MAPKAP1: variants seen among roughly 807,000 people sequenced by gnomAD.
The protein encoded by MAPKAP1 is MAPK associated protein 1, also known as target of rapamycin complex 2 subunit MAPKAP1.
A neutral mutation model predicts 65.7 loss-of-function variants in MAPKAP1; 20 were observed. The ratio of observed to expected loss-of-function variants is 0.30; its 90% CI spans 0.21 to 0.44. MAPKAP1 has a LOEUF of 0.44. MAPKAP1 is among the 20% of genes least tolerant of loss of function. The pLI, the probability that MAPKAP1 is intolerant of heterozygous loss-of-function variation, is 1.00. For synonymous variants in MAPKAP1, 222 were observed against 244.3 expected, an observed-to-expected ratio of 0.91 and a Z score of 0.85; for missense variants, 423 against 648.0, an observed-to-expected ratio of 0.65 and a Z score of 3.77.
At chr9:125,643,526 C>T (rs1487336898) in intron 4 of MAPKAP1, among the ~76,000 whole-genome samples, 1 of 152,024 alleles carries the variant, frequency 6.6e-6, no homozygotes, top group African/African-American at 2.4e-5. Flanking sequence ...TTTTTATTCA[C>T]CATATTATAC....
At chr9:125,688,327 C>A (rs991996141) in intron 1 of MAPKAP1, among the ~76,000 whole-genome samples, 2 of 151,912 alleles carry the variant, frequency 1.3e-5, no homozygotes, top group African/African-American at 4.8e-5. Flanking sequence ...TAGTAGAGAC[C>A]GGGTTTCACC....
At chr9:125,684,144 G>T (rs990268727) in intron 1 of MAPKAP1, among the ~76,000 whole-genome samples, 2 of 152,114 alleles carry the variant, frequency 1.3e-5, no homozygotes, top group African/African-American at 4.8e-5. Flanking sequence ...CCCAATTCTA[G>T]ATTCATAAAT....
intron 6 of MAPKAP1, among the ~76,000 whole-genome samples, chr9:125,551,511 C>T (rs894077042): frequency 6.6e-6 from 1 of 152,178 alleles, no homozygotes; most frequent in Non-Finnish European, 1.5e-5. Flanking sequence ...ACCCAAAGAG[C>T]TCTTGGTTAG....
At chr9:125,555,926 A>G (rs1424541820) in intron 6 of MAPKAP1, among the ~76,000 whole-genome samples, 1 of 150,968 alleles carries the variant, frequency 6.6e-6, no homozygotes, top group Non-Finnish European at 1.5e-5. Context: ...CGGAGAAGAA[A>G]AATGTAGAAG....
At chr9:125,605,360 T>C (rs1481869615) in intron 4 of MAPKAP1, among the ~76,000 whole-genome samples, 1 of 152,160 alleles carries the variant, frequency 6.6e-6, no homozygotes, top group African/African-American at 2.4e-5. Context: ...GAACCTTAGG[T>C]GGAACATTTT....
chr9:125,457,078 T>C (rs1853199420), intron 10 of MAPKAP1, among the ~76,000 whole-genome samples: 2 of 151,312 alleles, frequency 1.3e-5, no homozygotes, highest in Admixed American at 1.3e-4. Flanking sequence ...AACCTCTGCC[T>C]CCTGGGTTCA....
At chr9:125,577,157 G>A (rs1323264399) in intron 5 of MAPKAP1, among the ~76,000 whole-genome samples, 10 of 149,962 alleles carry the variant, frequency 6.7e-5, no homozygotes, top group African/African-American at 2.2e-4. Flanking sequence ...TGTGGGGAGC[G>A]CCTCTGCCCT....
chr9:125,457,464 G>T (rs1415357047), intron 10 of MAPKAP1, among the ~76,000 whole-genome samples: 1 of 152,056 alleles, frequency 6.6e-6, no homozygotes, highest in Non-Finnish European at 1.5e-5. Context: ...TGACTCTTCT[G>T]GTTCTATTTT....
intron 4 of MAPKAP1, among the ~76,000 whole-genome samples, chr9:125,621,717 C>G (rs1012547038): frequency 4.6e-5 from 7 of 152,212 alleles, no homozygotes; most frequent in Non-Finnish European, 1.0e-4. Flanking sequence ...GCAATATCCT[C>G]ACTATACAAA....
intron 5 of MAPKAP1, among the ~76,000 whole-genome samples, chr9:125,560,248 C>T (rs1404371775): frequency 6.6e-6 from 1 of 152,066 alleles, no homozygotes; most frequent in Non-Finnish European, 1.5e-5. Context: ...TATCTGGCCT[C>T]GGGGAAGGCA....
chr9:125,585,961 G>A (rs1302879032), intron 4 of MAPKAP1, among the ~76,000 whole-genome samples: 1 of 152,088 alleles, frequency 6.6e-6, no homozygotes, highest in Non-Finnish European at 1.5e-5. Context: ...AGGTAAATGG[G>A]CACTACAACT....
intron 8 of MAPKAP1, among the ~76,000 whole-genome samples, chr9:125,496,215 A>G (rs899808324): frequency 1.3e-5 from 2 of 152,288 alleles, no homozygotes; most frequent in African/African-American, 4.8e-5. Context: ...GAAGACAAGG[A>G]CTCACAGGTA....
At chr9:125,706,291 G>C (rs999146263) in intron 1 of MAPKAP1, among the ~76,000 whole-genome samples, 1 of 151,746 alleles carries the variant, frequency 6.6e-6, no homozygotes, top group South Asian at 2.1e-4. Context: ...TTCACACCTG[G>C]GAAAGTTTTG....
chr9:125,525,070 G>C (rs1446563804), intron 7 of MAPKAP1, among the ~76,000 whole-genome samples: 5 of 152,184 alleles, frequency 3.3e-5, no homozygotes, highest in Non-Finnish European at 7.3e-5. Context: ...ATTTGAGCTG[G>C]GTTCCTTAGC....
intron 10 of MAPKAP1, among the ~76,000 whole-genome samples, chr9:125,463,388 A>G (rs1853569032): frequency 1.3e-5 from 2 of 152,250 alleles, no homozygotes; most frequent in African/African-American, 2.4e-5. Flanking sequence ...AGCTAAATCA[A>G]TGTGGACAAA....
At chr9:125,524,245 C>T (rs544485587) in intron 7 of MAPKAP1, among the ~76,000 whole-genome samples, 2 of 152,242 alleles carry the variant, frequency 1.3e-5, no homozygotes, top group African/African-American at 4.8e-5. Context: ...TCAAGCACTA[C>T]CACCAATTCA....
At chr9:125,482,337 T>C (rs912422167) in intron 9 of MAPKAP1, among the ~76,000 whole-genome samples, 1 of 152,160 alleles carries the variant, frequency 6.6e-6, no homozygotes, top group African/African-American at 2.4e-5. Context: ...ACCAGTATCT[T>C]TACTTCTTAC....
chr9:125,596,637 AG>A (rs1832134143), intron 4 of MAPKAP1: 1 of 632,796 alleles, frequency 1.6e-6, no homozygotes, highest in South Asian at 1.4e-5. Context: ...AATTACTGCC[AG>A]CAAACAAAGC....
intron 9 of MAPKAP1, among the ~76,000 whole-genome samples, chr9:125,476,320 T>G (rs1854106958): frequency 6.6e-6 from 1 of 152,224 alleles, no homozygotes; most frequent in Non-Finnish European, 1.5e-5. Flanking sequence ...CAATAGGGAC[T>G]GAACAATCAT....
Sources: gnomAD v4.1 joint callset for allele counts (sites outside exome capture counted in the v4.1 genomes callset) on GRCh38, gnomAD v4.1.1 for gene constraint, MANE v1.5 for transcripts, NCBI Gene and HGNC (gene_info 2026-07-23, HGNC 2026-07-21) for gene names.